Variants in ROCK1 observed in about 807,000 individuals in gnomAD.
ROCK1 encodes rho-associated protein kinase 1.
A neutral mutation model predicts 196.8 loss-of-function variants in ROCK1; 36 were observed. The observed-to-expected ratio is 0.18, with a 90% confidence interval of 0.14 to 0.24. ROCK1 has a LOEUF of 0.24. Ranked by LOEUF, ROCK1 falls within the 10% of genes least tolerant of loss-of-function variation. The probability of loss-of-function intolerance (pLI) is 1.00; values close to 1 mark genes in which losing one functional copy is unlikely to be tolerated. For synonymous variants in ROCK1, 443 were observed against 515.9 expected (o/e 0.86, Z 1.91); for missense variants, 920 against 1,562.0 (o/e 0.59, Z 6.93).
intron 1 of ROCK1, among the ~76,000 whole-genome samples, chr18:21,107,270 C>T (rs2036710963): frequency 6.6e-6 from 1 of 152,148 alleles, no homozygotes; most frequent in East Asian, 1.9e-4. Flanking sequence ...ATTAGTGTCT[C>T]AACAAAAAAG....
intron 22 of ROCK1, among the ~76,000 whole-genome samples, chr18:20,972,339 G>C (rs73431082): frequency 0.034 from 5,249 of 152,208 alleles, 324 homozygotes; most frequent in African/African-American, 0.12. Flanking sequence ...CGCAAGGTCA[G>C]GGAATCAGGA....
intron 1 of ROCK1, among the ~76,000 whole-genome samples, chr18:21,109,009 C>T (rs1359039135): frequency 3.3e-5 from 5 of 152,206 alleles, no homozygotes; most frequent in Non-Finnish European, 5.9e-5. Context: ...CCTCTATTCA[C>T]GTTATCCTCC....
In ROCK1 at chr18:20,984,574, A is replaced by G. The variant is rs773988618; in HGVS notation, c.2305-39T>C. 8.1e-6 allele frequency: 12 copies of G among 1,476,342 alleles called. No individual in the cohort carries two copies. The East Asian group carries it at 2.7e-4, about 34-fold the overall frequency. The allele number at this position is 1,476,342 out of a possible 1,614,324, so 91.5% of individuals were successfully genotyped here. A position where few individuals can be genotyped will look rare whatever the true frequency, so the allele number is the denominator to read the frequency against. ...AAATAATTGGGATCTTAAATCTCTTAAATAATTTATTAGACATTATTTGAA... is the reference window on the plus strand; with the variant it reads ...AAATAATTGGGATCTTAAATCTCTTGAATAATTTATTAGACATTATTTGAA... On this transcript the variant is annotated intron_variant, in intron 19 of 32. Coordinates refer to ENST00000399799, the MANE Select transcript of ROCK1 (RefSeq NM_005406.3).
At chr18:21,056,058 C>A (rs1174084030) in intron 2 of ROCK1, among the ~76,000 whole-genome samples, 2 of 152,226 alleles carry the variant, frequency 1.3e-5, no homozygotes, top group Middle Eastern at 3.4e-3. Context: ...ACTTTTCAAC[C>A]TTAGTAGTTT....
At chr18:20,967,217 C>A (rs778030951) in intron 26 of ROCK1, 141 bp from the exon 27 acceptor site, 13 of 598,858 alleles carry the variant, frequency 2.2e-5, no homozygotes, top group Non-Finnish European at 3.8e-5. Context: ...GATTTTGATA[C>A]ACTACAGAAA....
At chr18:21,019,274 C>T (rs1271103951) in intron 12 of ROCK1, among the ~76,000 whole-genome samples, 1 of 152,114 alleles carries the variant, frequency 6.6e-6, no homozygotes, top group Admixed American at 6.6e-5. Flanking sequence ...ATGCCTCAGC[C>T]TCCCAAGCAG....
intron 2 of ROCK1, among the ~76,000 whole-genome samples, chr18:21,056,545 C>T (rs1172215372): frequency 6.6e-6 from 1 of 152,158 alleles, no homozygotes; most frequent in Non-Finnish European, 1.5e-5. Context: ...GACCAAGTCA[C>T]CATCATCTCT....
intron 10 of ROCK1, among the ~76,000 whole-genome samples, chr18:21,027,234 T>C (rs575642377): frequency 9.9e-5 from 15 of 152,224 alleles, no homozygotes; most frequent in Non-Finnish European, 1.8e-4. Flanking sequence ...CCACCGTGCC[T>C]GGCCGAGATT....
chr18:20,980,569 T>C (rs2035522103), intron 21 of ROCK1, among the ~76,000 whole-genome samples: 2 of 152,288 alleles, frequency 1.3e-5, no homozygotes, highest in South Asian at 4.1e-4. Context: ...CAGATGTACA[T>C]ATTTGTCAAA....
At chr18:20,993,065 TAA>T in intron 16 of ROCK1, 128 bp from the exon 17 acceptor site, 2 of 588,788 alleles carry the variant, frequency 3.4e-6, no homozygotes, top group Non-Finnish European at 5.9e-6. Context: ...AAGATTTTAT[TAA>T]GTGTTTTCAC....
chr18:21,026,369 A>C (rs1306610575), intron 10 of ROCK1, among the ~76,000 whole-genome samples: 1 of 148,588 alleles, frequency 6.7e-6, no homozygotes, highest in Non-Finnish European at 1.5e-5. Context: ...GCTTGAACCC[A>C]GGAAGCGGAG....
At chr18:21,105,010 T>C (rs1460440995) in intron 1 of ROCK1, among the ~76,000 whole-genome samples, 1 of 152,178 alleles carries the variant, frequency 6.6e-6, no homozygotes, top group Non-Finnish European at 1.5e-5. Context: ...CGACAATAAA[T>C]ATCAACTTCT....
chr18:20,980,054 C>T (rs368914931), intron 21 of ROCK1, 50 bp from the exon 22 acceptor site: 284 of 1,452,706 alleles, frequency 2.0e-4, no homozygotes, highest in Middle Eastern at 4.8e-4. Flanking sequence ...GGGTTAAAAA[C>T]AATTTGGCAG....
At chr18:20,963,811 T>C (rs1386169897) in intron 27 of ROCK1, among the ~76,000 whole-genome samples, 1 of 152,144 alleles carries the variant, frequency 6.6e-6, no homozygotes, top group South Asian at 2.1e-4. Flanking sequence ...ATGTTTGTAT[T>C]GTGTGCTAGG....
At chr18:20,958,127 C>T (rs1353606083) in intron 29 of ROCK1, among the ~76,000 whole-genome samples, 2 of 152,152 alleles carry the variant, frequency 1.3e-5, no homozygotes, top group Admixed American at 1.3e-4. Flanking sequence ...AAGTATTTAA[C>T]TTAGTTGAAA....
intron 13 of ROCK1, among the ~76,000 whole-genome samples, chr18:21,014,792 G>A (rs1268456652): frequency 1.3e-5 from 2 of 152,098 alleles, no homozygotes; most frequent in African/African-American, 4.8e-5. Flanking sequence ...CCTAAAAAAG[G>A]ACAAAGTAAG....
intron 1 of ROCK1, among the ~76,000 whole-genome samples, chr18:21,094,785 A>G (rs892339707): frequency 7.4e-5 from 11 of 149,334 alleles, no homozygotes; most frequent in African/African-American, 2.7e-4. Context: ...GGTGGCTCAC[A>G]CCTGTAATCC....
chr18:21,040,565 A>G (rs1258382405), intron 8 of ROCK1, among the ~76,000 whole-genome samples: 1 of 152,214 alleles, frequency 6.6e-6, no homozygotes, highest in Non-Finnish European at 1.5e-5. Context: ...TTTTTGCATA[A>G]GCTAAAAGAT....
intron 9 of ROCK1, among the ~76,000 whole-genome samples, chr18:21,031,145 G>C (rs2036002539): frequency 6.6e-6 from 1 of 152,122 alleles, no homozygotes; most frequent in Non-Finnish European, 1.5e-5. Flanking sequence ...GCAAGCCCTG[G>C]GGGAAAGAGG....
Sources: gnomAD v4.1 joint callset for allele counts (sites outside exome capture counted in the v4.1 genomes callset) on GRCh38, gnomAD v4.1.1 for gene constraint, MANE v1.5 for transcripts, NCBI Gene and HGNC (gene_info 2026-07-23, HGNC 2026-07-21) for gene names.